The following ANKRD54 variants were observed in gnomAD, a reference collection of about 807,000 sequenced individuals.
The protein encoded by ANKRD54 is ankyrin repeat domain 54, also known as ankyrin repeat domain-containing protein 54.
ANKRD54 carries 26 observed loss-of-function variants against 36.2 expected under a neutral mutation model. The observed-to-expected ratio is 0.72, with a 90% confidence interval of 0.53 to 1.00. The LOEUF (loss-of-function observed/expected upper bound fraction) is 1.00, where lower values mean the gene tolerates loss of function less well. Ranked by LOEUF, ANKRD54 falls within the 50% of genes least tolerant of loss-of-function variation. The pLI, the probability that ANKRD54 is intolerant of heterozygous loss-of-function variation, is 0.00. For missense variants in ANKRD54, 384 were observed against 424.3 expected (o/e 0.91, Z 0.83); for synonymous variants, 209 against 188.4 (o/e 1.11, Z -0.89).
chr22:37,846,810 C>G (rs2145998357), upstream of ANKRD54, among the ~76,000 whole-genome samples: 1 of 152,196 alleles, frequency 6.6e-6, no homozygotes, highest in Admixed American at 6.5e-5. Context: ...CAACCTGTAT[C>G]AAATTCCTGT....
In ANKRD54 at chr22:37,844,119, A is replaced by G; in HGVS notation, c.120T>C (p.Ala40=). The G allele has an allele frequency of 6.7e-7, 1 of 1,490,126 alleles. No homozygotes were observed. The highest frequency in any genetic ancestry group is 8.9e-7 in the Non-Finnish European group (1 of 1,127,448). The allele number at this position is 1,490,126 out of a possible 1,614,324, so 92.3% of individuals were successfully genotyped here. The change falls in exon 1 of 8, where the codon GCT becomes GCC. Residue 40 remains alanine (A), a synonymous_variant. Transcript: ENST00000215941. ...CGCCGCCCAGCGCAGACCCGAAGTC[A>G]GCGAAGGAGAAGAGGCCCTCAGCGT... is the stretch of plus-strand genomic sequence containing the variant. ...LTDAEGLFSF[A]DFGSALGGGG...
At position 37,839,329 on chromosome 22, in the gene ANKRD54, A is replaced by G. The variant is rs934072175; in HGVS notation, c.377-731T>C. Among the ~76,000 whole-genome samples the G allele has an allele frequency of 2.6e-5, 4 of 152,220 alleles. No individual in the cohort carries two copies. The South Asian group carries it at 6.2e-4, about 24-fold the overall frequency. On this transcript the variant is annotated intron_variant, in intron 2 of 7. Transcript: ENST00000215941. ...TTAACAGATTAGTTCCTTTGCGGAC[A>G]TGGATTTTTTCTTATATATTTCTCT...
intron 3 of ANKRD54, among the ~76,000 whole-genome samples, chr22:37,837,523 A>G (rs1036108739): frequency 6.6e-6 from 1 of 152,232 alleles, no homozygotes; most frequent in Admixed American, 6.5e-5. Context: ...CACAGATTCA[A>G]TGAACCCTGG....
At position 37,831,649 on chromosome 22, in the gene ANKRD54, G is replaced by A. The variant is rs1417658029; in HGVS notation, c.*294C>T. The A allele has an allele frequency of 8.8e-6, 4 of 454,012 alleles. No individual in the cohort carries two copies. The Admixed American group carries it at 1.4e-4, about 16-fold the overall frequency. 28.1% of individuals were successfully genotyped at this position (454,012 alleles called of 1,614,324 possible). On this transcript the variant is annotated 3_prime_UTR_variant, in exon 8 of 8. Coordinates refer to ENST00000215941, the MANE Select transcript of ANKRD54 (RefSeq NM_138797.4). ...CCATGGGGCAAGTGAGGTCTGCTGA[G>A]ATAGCGCAGGTCTGCGGAGCTGAAG... is the stretch of plus-strand genomic sequence containing the variant.
At chr22:37,849,296 T>C (rs1365857020), upstream of ANKRD54, 5 of 940,132 alleles carry the variant, frequency 5.3e-6, no homozygotes, top group Non-Finnish European at 6.9e-6. Context: ...GCGGCTCCTC[T>C]TCCTTCTGGA....
At chr22:37,834,727 A>AAG (rs1569095299) in intron 3 of ANKRD54, 15 of 149,864 alleles carry the variant, frequency 1.0e-4, no homozygotes, top group African/African-American at 1.7e-4. Flanking sequence ...AAAAAAAAAA[A>AAG]AGAGAAAGGA....
chr22:37,846,202 C>T (rs1330559697), upstream of ANKRD54, among the ~76,000 whole-genome samples: 1 of 152,154 alleles, frequency 6.6e-6, no homozygotes, highest in African/African-American at 2.4e-5. Flanking sequence ...TAATCTTTCT[C>T]TTACAATTGG....
Position 37,844,098 on chromosome 22 carries a change from G to T in ANKRD54, c.141C>A (p.Gly47=). The change falls in exon 1 of 8, where the codon GGC becomes GGA. Residue 47 remains glycine (G), a synonymous_variant. Coordinates refer to ENST00000215941, the MANE Select transcript of ANKRD54 (RefSeq NM_138797.4). Reference sequence around the variant, plus strand: ...GGCCCGAGAGGCCCGCGCCGCCGCCGCCCAGCGCAGACCCGAAGTCAGCGA... The same window carrying T: ...GGCCCGAGAGGCCCGCGCCGCCGCCTCCCAGCGCAGACCCGAAGTCAGCGA... ...FSFADFGSAL[G]GGGAGLSGRA... 6.8e-7 allele frequency: 1 copy of T among 1,470,138 alleles called. No homozygotes were observed. The highest frequency in any genetic ancestry group is 1.3e-5 in the South Asian group (1 of 77,212). 91.1% of individuals were successfully genotyped at this position (1,470,138 alleles called of 1,614,324 possible).
chr22:37,847,707 G>C, upstream of ANKRD54: 1 of 461,234 alleles, frequency 2.2e-6, no homozygotes, highest in Non-Finnish European at 4.3e-6. Context: ...GACCCTCCCT[G>C]AACCAAGGAA....
Position 37,832,009 on chromosome 22 carries a change from T to C in ANKRD54, c.837A>G (p.Glu279=). 1.2e-6 allele frequency: 2 copies of C among 1,612,968 alleles called. No homozygotes were observed. The highest frequency in any genetic ancestry group is 1.7e-6 in the Non-Finnish European group (2 of 1,179,590). ...TGAAGCTGGCCAGGAGGTCAGTCAC[T>C]TCATCCACCTGCAGGACGGAACAGA... ...QMTSTKEQVD[E]VTDLLASFTS... Residue 279 remains glutamate, a synonymous_variant, in exon 8 of 8, where the codon GAA becomes GAG. Transcript: ENST00000215941.
chr22:37,838,650 T>A lies in ANKRD54; in HGVS notation c.377-52A>T, dbSNP rs770059654. The A allele has an allele frequency of 2.6e-6, 4 of 1,556,446 alleles. No homozygotes were observed. The East Asian group carries it at 9.5e-5, about 37-fold the overall frequency. On this transcript the variant is annotated intron_variant, in intron 2 of 7. Coordinates refer to ENST00000215941, the MANE Select transcript of ANKRD54 (RefSeq NM_138797.4). ...AGGGGGAGAAAGCGGCGATGTTAGC[T>A]AAGCTGCAGACCCGAGCGATGGAGA...
intron 3 of ANKRD54, chr22:37,834,756 G>T (rs929925037): frequency 6.8e-6 from 1 of 147,182 alleles, no homozygotes; most frequent in South Asian, 2.2e-4. Context: ...TTGATAAATT[G>T]GATTCATTAA....
At chr22:37,838,430 G>A (rs776974304) in intron 3 of ANKRD54, 70 bp downstream of exon 3, 9 of 1,449,412 alleles carry the variant, frequency 6.2e-6, no homozygotes, top group South Asian at 2.5e-5. Flanking sequence ...AGACAGCAGC[G>A]CCTCCCCCAA....
intron 1 of ANKRD54, among the ~76,000 whole-genome samples, chr22:37,842,382 T>C (rs1243746678): frequency 6.6e-6 from 1 of 152,230 alleles, no homozygotes; most frequent in Non-Finnish European, 1.5e-5. Flanking sequence ...TCTCTATCAC[T>C]TGTAGTCACA....
intron 3 of ANKRD54, among the ~76,000 whole-genome samples, chr22:37,836,303 G>A (rs1234862910): frequency 6.0e-5 from 9 of 150,260 alleles, no homozygotes; most frequent in African/African-American, 1.5e-4. Context: ...AAAATTAGCC[G>A]GGCGTAGTGG....
At chr22:37,837,619 A>G (rs1033388778) in intron 3 of ANKRD54, among the ~76,000 whole-genome samples, 1 of 152,190 alleles carries the variant, frequency 6.6e-6, no homozygotes, top group Admixed American at 6.5e-5. Flanking sequence ...CCTGGAACCA[A>G]TCCCAAGAAC....
chr22:37,847,651 T>C (rs1419463671), upstream of ANKRD54: 2 of 483,522 alleles, frequency 4.1e-6, no homozygotes, highest in African/African-American at 4.1e-5. Context: ...AATAAAAATA[T>C]TTCACAAATT....
intron 3 of ANKRD54, among the ~76,000 whole-genome samples, chr22:37,835,984 G>A (rs1028262455): frequency 3.3e-5 from 5 of 151,826 alleles, no homozygotes; most frequent in African/African-American, 9.7e-5. Flanking sequence ...ACAGGCACCC[G>A]CCACCACACC....
chr22:37,847,601 A>G (rs966660648), upstream of ANKRD54: 1 of 473,092 alleles, frequency 2.1e-6, no homozygotes, highest in Non-Finnish European at 4.1e-6. Context: ...CACTGTCATT[A>G]TTTTCTCACT....
Sources: allele counts gnomAD v4.1 joint callset (sites outside exome capture counted in the v4.1 genomes callset), GRCh38; gene constraint gnomAD v4.1.1; transcripts MANE v1.5; gene names NCBI Gene and HGNC (gene_info 2026-07-23, HGNC 2026-07-21).